The following CSMD1 variants were observed in gnomAD, a reference collection of about 807,000 sequenced individuals.
CSMD1 encodes the protein CUB and sushi domain-containing protein 1.
In CSMD1, 213 loss-of-function variants were observed where a neutral mutation model predicts 417.5. The observed-to-expected ratio is 0.51, with a 90% confidence interval of 0.46 to 0.57. The LOEUF (loss-of-function observed/expected upper bound fraction) is 0.57. CSMD1 is among the 20% of genes least tolerant of loss of function. The pLI is 0.00. For missense variants in CSMD1, 6,923 were observed against 4,529.7 expected (o/e 1.53, Z -15.17); for synonymous variants, 2,862 against 1,736.8 (o/e 1.65, Z -16.11).
At chr8:3,625,226 G>A (rs141672551) in intron 7 of CSMD1, among the ~76,000 whole-genome samples, 454 of 152,012 alleles carry the variant, frequency 3.0e-3, no homozygotes, top group Non-Finnish European at 4.8e-3. Context: ...TCTTATTATC[G>A]GAGCAACATT....
intron 1 of CSMD1, among the ~76,000 whole-genome samples, chr8:4,693,563 A>G (rs1462816149): frequency 2.0e-5 from 3 of 152,176 alleles, no homozygotes; most frequent in Admixed American, 6.5e-5. Context: ...ATATGCATCA[A>G]TCAAAACAGC....
chr8:3,637,233 G>A (rs1797095873), intron 7 of CSMD1, among the ~76,000 whole-genome samples: 1 of 152,144 alleles, frequency 6.6e-6, no homozygotes, highest in Admixed American at 6.5e-5. Flanking sequence ...TAGGTAATTT[G>A]TAATCAGAAT....
intron 10 of CSMD1, among the ~76,000 whole-genome samples, chr8:3,522,205 T>C (rs1023455052): frequency 1.7e-4 from 26 of 152,202 alleles, no homozygotes; most frequent in African/African-American, 6.3e-4. Context: ...GATTAAATTT[T>C]TTATTATTTT....
chr8:4,280,540 T>G (rs747101121), intron 3 of CSMD1, among the ~76,000 whole-genome samples: 4 of 152,324 alleles, frequency 2.6e-5, no homozygotes, highest in African/African-American at 9.6e-5. Flanking sequence ...GTGCCCACAT[T>G]TGCATATCAA....
chr8:3,296,760 G>A (rs1207036647), intron 25 of CSMD1, among the ~76,000 whole-genome samples: 1 of 152,140 alleles, frequency 6.6e-6, no homozygotes. Context: ...TTGTCCCTCA[G>A]AAACTGGAAA....
In CSMD1 at chr8:4,376,699, A is replaced by T. The variant is rs147560557; in HGVS notation, c.415+43254T>A. Among the ~76,000 whole-genome samples the T allele has an allele frequency of 7.5e-4, 114 of 152,294 alleles. No individual in the cohort carries two copies. In the East Asian group the frequency reaches 0.021, roughly 28 times the overall value. On this transcript the variant is annotated intron_variant, in intron 3 of 69. Transcript: ENST00000635120. ...TGTTAACGCTGAATATTAATTCTTT[A>T]ATCTTTGCAAACTGATTGCATTTTA...
chr8:3,187,560 C>T (rs999289180), intron 36 of CSMD1, among the ~76,000 whole-genome samples: 1 of 152,118 alleles, frequency 6.6e-6, no homozygotes, highest in South Asian at 2.1e-4. Flanking sequence ...GTTTCCTAAC[C>T]TCTGCCTCTT....
intron 57 of CSMD1, among the ~76,000 whole-genome samples, chr8:2,969,752 C>A (rs951337621): frequency 2.0e-5 from 3 of 152,244 alleles, no homozygotes; most frequent in African/African-American, 7.2e-5. Flanking sequence ...TGATAACAAA[C>A]AAGGAACAAA....
At chr8:3,507,017 G>T (rs547885165) in intron 10 of CSMD1, among the ~76,000 whole-genome samples, 1 of 152,124 alleles carries the variant, frequency 6.6e-6, no homozygotes, top group Non-Finnish European at 1.5e-5. Context: ...ACAAGATGTT[G>T]TAAGAATTGA....
chr8:3,991,355 A>C (rs1327375489), intron 5 of CSMD1, among the ~76,000 whole-genome samples: 1 of 152,152 alleles, frequency 6.6e-6, no homozygotes, highest in Non-Finnish European at 1.5e-5. Context: ...AGTTTTCTCC[A>C]CCTACCTAAG....
Position 3,031,532 on chromosome 8 carries a change from G to A in CSMD1, c.7661-2019C>T, listed in dbSNP as rs1810340195. On this transcript the variant is annotated intron_variant, in intron 50 of 69. Coordinates refer to ENST00000635120, the MANE Select transcript of CSMD1 (RefSeq NM_033225.6). ...TACAAACTTTATTTCTGCCAAGAAT[G>A]ACTCAACTTTGTTCTTTCTTTCTTT... 2.6e-5 allele frequency among the ~76,000 whole-genome samples: 4 copies of A among 152,150 alleles called. No individual in the cohort carries two copies. In the South Asian group the frequency reaches 8.3e-4, roughly 32 times the overall value.
intron 1 of CSMD1, among the ~76,000 whole-genome samples, chr8:4,723,122 A>T (rs2116918873): frequency 6.6e-6 from 1 of 152,304 alleles, no homozygotes; most frequent in Admixed American, 6.5e-5. Context: ...TGTACACCTA[A>T]CACCATTAAA....
At chr8:3,231,285 C>G (rs566200728) in intron 26 of CSMD1, among the ~76,000 whole-genome samples, 12 of 152,224 alleles carry the variant, frequency 7.9e-5, no homozygotes, top group Middle Eastern at 3.4e-3. Context: ...TTCTTCCACT[C>G]CACTGCATAA....
intron 2 of CSMD1, among the ~76,000 whole-genome samples, chr8:4,539,981 C>T (rs1202527087): frequency 6.6e-6 from 1 of 152,146 alleles, no homozygotes; most frequent in Admixed American, 6.5e-5. Flanking sequence ...CTGCAGATGC[C>T]CATGGCTATT....
intron 10 of CSMD1, among the ~76,000 whole-genome samples, chr8:3,498,430 G>A (rs916781335): frequency 6.6e-5 from 10 of 152,216 alleles, no homozygotes; most frequent in Admixed American, 6.5e-4. Context: ...AGGAGAGAAG[G>A]AAGAATTGTC....
intron 3 of CSMD1, among the ~76,000 whole-genome samples, chr8:4,304,347 T>A (rs13252484): frequency 0.76 from 115,068 of 151,698 alleles, 43,711 homozygotes; most frequent in East Asian, 0.85. Flanking sequence ...ATGTCTTAGA[T>A]ACATTCCATT....
chr8:4,723,013 C>T (rs535859968), intron 1 of CSMD1, among the ~76,000 whole-genome samples: 1 of 152,260 alleles, frequency 6.6e-6, no homozygotes, highest in Admixed American at 6.5e-5. Flanking sequence ...AAGAGTCTCA[C>T]TGAGACACTG....
At chr8:4,602,664 C>G (rs909474075) in intron 2 of CSMD1, among the ~76,000 whole-genome samples, 18 of 152,164 alleles carry the variant, frequency 1.2e-4, no homozygotes, top group African/African-American at 4.1e-4. Flanking sequence ...GTGGCAAATA[C>G]TTCTTGGCTT....
At chr8:3,455,380 G>C (rs988214427) in intron 12 of CSMD1, among the ~76,000 whole-genome samples, 16 of 152,248 alleles carry the variant, frequency 1.1e-4, no homozygotes, top group African/African-American at 3.9e-4. Flanking sequence ...TGGAGGAGGA[G>C]AGGCACTCTG....
Sources: allele counts gnomAD v4.1 joint callset (sites outside exome capture counted in the v4.1 genomes callset), GRCh38; gene constraint gnomAD v4.1.1; transcripts MANE v1.5; gene names NCBI Gene and HGNC (gene_info 2026-07-23, HGNC 2026-07-21).